CLN8: variants seen among roughly 807,000 people sequenced by gnomAD.
CLN8 encodes protein CLN8.
In CLN8, 14 loss-of-function variants were observed where a neutral mutation model predicts 15.7. That is an observed-to-expected ratio of 0.89 (90% CI 0.59 to 1.39). The LOEUF (loss-of-function observed/expected upper bound fraction) is 1.39. CLN8 is among the 40% of genes most tolerant of loss of function. The pLI is 0.00. For synonymous variants in CLN8, 188 were observed against 151.0 expected, an observed-to-expected ratio of 1.25 and a Z score of -1.80; for missense variants, 415 against 364.0, an observed-to-expected ratio of 1.14 and a Z score of -1.14.
At chr8:1,757,205 G>C (rs1800691416) in intron 1 of CLN8, among the ~76,000 whole-genome samples, 1 of 152,192 alleles carries the variant, frequency 6.6e-6, no homozygotes, top group African/African-American at 2.4e-5. Flanking sequence ...TGTTGGGGCT[G>C]GGCCATTGCC....
At chr8:1,753,585 AG>A (rs1381964888), upstream of CLN8, among the ~76,000 whole-genome samples, 41 of 120,562 alleles carry the variant, frequency 3.4e-4, no homozygotes, top group East Asian at 6.0e-3. Flanking sequence ...AAAAAAAAAA[AG>A]AAAGAAAAAG....
intron 1 of CLN8, among the ~76,000 whole-genome samples, chr8:1,767,636 A>T (rs989072292): frequency 7.6e-6 from 1 of 131,926 alleles, no homozygotes. Context: ...CAGTGGCGCA[A>T]TCTCAGCTCA....
chr8:1,764,160 C>A (rs545710173), intron 1 of CLN8: 28 of 152,422 alleles, frequency 1.8e-4, no homozygotes, highest in African/African-American at 6.5e-4. Flanking sequence ...TGGCTCCTGG[C>A]GTCCGCGGTC....
At chr8:1,753,648 G>C (rs1438886353), upstream of CLN8, among the ~76,000 whole-genome samples, 1 of 149,938 alleles carries the variant, frequency 6.7e-6, no homozygotes. Context: ...CACTTTTGGA[G>C]GCCGAGGCAG....
At chr8:1,754,025 C>A (rs896016761), upstream of CLN8, among the ~76,000 whole-genome samples, 1 of 152,144 alleles carries the variant, frequency 6.6e-6, no homozygotes, top group African/African-American at 2.4e-5. Context: ...TCTTCATTGT[C>A]CAAGACACAC....
At chr8:1,754,553 TTTTCAGAACTTGAGATC>T (rs1163330189), upstream of CLN8, among the ~76,000 whole-genome samples, 1 of 152,240 alleles carries the variant, frequency 6.6e-6, no homozygotes, top group Non-Finnish European at 1.5e-5. Flanking sequence ...ATAACGGATA[TTTTCAGAACTTGAGATC>T]TTTCTGAGAG....
Position 1,756,833 on chromosome 8 carries a change from C to T in CLN8, c.-124+751C>T, listed in dbSNP as rs1389537700. 4.6e-5 allele frequency among the ~76,000 whole-genome samples: 7 copies of T among 152,108 alleles called. No homozygotes were observed. In the South Asian group the frequency reaches 6.2e-4, roughly 14 times the overall value. Reference sequence around the variant, plus strand: ...AAGTAGCTAGGATTACAGGCAACCACCACCACACCTGGTTAATTTTTGTAT... The same window carrying T: ...AAGTAGCTAGGATTACAGGCAACCATCACCACACCTGGTTAATTTTTGTAT... On this transcript the variant is annotated intron_variant, in intron 1 of 1. Transcript: ENST00000524258.
At chr8:1,754,800 G>A (rs1800629891), upstream of CLN8, among the ~76,000 whole-genome samples, 1 of 152,210 alleles carries the variant, frequency 6.6e-6, no homozygotes, top group Non-Finnish European at 1.5e-5. Flanking sequence ...GGAAGGCTTG[G>A]TGGCTCAGTG....
At chr8:1,761,383 GGT>G (rs1800792768), upstream of CLN8, among the ~76,000 whole-genome samples, 1 of 152,206 alleles carries the variant, frequency 6.6e-6, no homozygotes, top group East Asian at 1.9e-4. Context: ...GGAGTGCAGT[GGT>G]GCGATTTCAG....
chr8:1,755,607 A>T (rs1371769597), upstream of CLN8, among the ~76,000 whole-genome samples: 1 of 152,086 alleles, frequency 6.6e-6, no homozygotes, highest in East Asian at 1.9e-4. Flanking sequence ...TTAGATCACA[A>T]CCGGTCTGCC....
chr8:1,767,366 G>T (rs1801106484), intron 1 of CLN8, among the ~76,000 whole-genome samples: 1 of 152,152 alleles, frequency 6.6e-6, no homozygotes, highest in Admixed American at 6.5e-5. Flanking sequence ...TGCCCACTCA[G>T]CTGTGGCTTA....
Position 1,783,443 on chromosome 8 carries a change from G to C in CLN8, c.*2876G>C, listed in dbSNP as rs972137098. The C allele has an allele frequency of 1.3e-5, 2 of 152,256 alleles. No homozygotes were observed. Among genetic ancestry groups the C allele is most frequent in the African/African-American group, 4.8e-5 (2 of 41,468 alleles). 9.4% of individuals were successfully genotyped at this position (152,256 alleles called of 1,614,324 possible). On this transcript the variant is annotated 3_prime_UTR_variant, in exon 3 of 3. Coordinates refer to ENST00000331222, the MANE Select transcript of CLN8 (RefSeq NM_018941.4). ...ATGGCCCTGCGTTTAGCCAGGATGT[G>C]GCTCTCCAGCTTGGCTTCAGTGTGA... is the stretch of plus-strand genomic sequence containing the variant.
upstream of CLN8, among the ~76,000 whole-genome samples, chr8:1,755,588 T>C (rs1329944845): frequency 2.0e-5 from 3 of 152,194 alleles, no homozygotes; most frequent in East Asian, 5.8e-4. Flanking sequence ...CTCTTTACCT[T>C]GAAATGACTT....
At chr8:1,772,823 A>G (rs1467231113) in intron 2 of CLN8, 1 of 395,770 alleles carries the variant, frequency 2.5e-6, no homozygotes, top group Admixed American at 4.4e-5. Context: ...TTTATGACCC[A>G]TCACATTGTT....
Position 1,781,087 on chromosome 8 carries a change from G to C in CLN8, c.*520G>C, listed in dbSNP as rs1801700207. The C allele has an allele frequency of 6.4e-6, 1 of 156,150 alleles. No individual in the cohort carries two copies. Among genetic ancestry groups the C allele is most frequent in the Non-Finnish European group, 1.4e-5 (1 of 70,578 alleles). The allele number at this position is 156,150 out of a possible 1,614,324, so 9.7% of individuals were successfully genotyped here. On this transcript the variant is annotated 3_prime_UTR_variant, in exon 3 of 3. Coordinates refer to ENST00000331222, the MANE Select transcript of CLN8 (RefSeq NM_018941.4). The stretch of plus-strand genomic sequence containing the variant: ...ATGAAATTCTAAGCTGGGTGGGGTG[G>C]CTCACACCCGACGTAATCCCAGCAC...
At chr8:1,776,883 GTT>G in intron 2 of CLN8, among the ~76,000 whole-genome samples, 2 of 152,302 alleles carry the variant, frequency 1.3e-5, no homozygotes, top group Admixed American at 1.3e-4. Flanking sequence ...TGTGAGCTGA[GTT>G]TGTCCACGCA....
At chr8:1,756,060 A>C (rs1043150611) in exon 1 of CLN8, 1 of 152,228 alleles carries the variant, frequency 6.6e-6, no homozygotes, top group Non-Finnish European at 1.5e-5. Context: ...TGTGGGAAGA[A>C]GATTTGTAAA....
Position 1,784,191 on chromosome 8 carries a change from A to C in CLN8, c.*3624A>C, listed in dbSNP as rs1306677439. The C allele has an allele frequency of 6.6e-6, 1 of 152,260 alleles. No individual in the cohort carries two copies. The highest frequency in any genetic ancestry group is 1.9e-4 in the East Asian group (1 of 5,194). 9.4% of individuals were successfully genotyped at this position (152,260 alleles called of 1,614,324 possible). A position where few individuals can be genotyped will look rare whatever the true frequency, so the allele number is the denominator to read the frequency against. On this transcript the variant is annotated 3_prime_UTR_variant, in exon 3 of 3. Transcript: ENST00000331222. Reference sequence around the variant, plus strand: ...TCCCAGCTACTTGGGAGGCTAAGGTAGAAGAATTGCTTGAACCTGGGAGGC... The same window carrying C: ...TCCCAGCTACTTGGGAGGCTAAGGTCGAAGAATTGCTTGAACCTGGGAGGC...
Position 1,780,571 on chromosome 8 carries a change from C to T in CLN8, c.*4C>T, listed in dbSNP as rs1427221413. 6.2e-7 allele frequency: 1 copy of T among 1,612,162 alleles called. No individual in the cohort carries two copies. Among genetic ancestry groups the T allele is most frequent in the Non-Finnish European group, 8.5e-7 (1 of 1,178,476 alleles). On this transcript the variant is annotated 3_prime_UTR_variant, in exon 3 of 3. Transcript: ENST00000331222. ...GCTGCGGAAGAAGAGGCCATAGCTG[C>T]TCCAGCCGGGGCTCCGGGGCGGCAG...
Sources: allele counts gnomAD v4.1 joint callset (sites outside exome capture counted in the v4.1 genomes callset), GRCh38; gene constraint gnomAD v4.1.1; transcripts MANE v1.5; gene names NCBI Gene and HGNC (gene_info 2026-07-23, HGNC 2026-07-21).